The following HMCN1 variants were observed in gnomAD, a reference collection of about 807,000 sequenced individuals.
The protein encoded by HMCN1 is hemicentin 1.
HMCN1 carries 321 observed loss-of-function variants against 625.9 expected under a neutral mutation model. The observed-to-expected ratio is 0.51, with a 90% confidence interval of 0.47 to 0.56. The LOEUF is 0.56. Among genes scored for constraint, HMCN1 ranks in the 20% least tolerant of loss-of-function variants. The pLI is 0.00. For missense variants in HMCN1, 6,588 were observed against 6,887.3 expected, an observed-to-expected ratio of 0.96 and a Z score of 1.54; for synonymous variants, 2,425 against 2,417.6, an observed-to-expected ratio of 1.00 and a Z score of -0.09.
At position 186,088,730 on chromosome 1, in the gene HMCN1, G is replaced by A; in HGVS notation, c.9702G>A (p.Gln3234=). 1 of 1,609,812 alleles carries A rather than the reference G, an allele frequency of 6.2e-7. No homozygotes were observed. The highest frequency in any genetic ancestry group is 8.5e-7 in the Non-Finnish European group (1 of 1,177,378). The part of the protein sequence containing the change: ...CIASNMEGKA[Q]KYYFLSIQVP... ...CTTCAAATATGGAGGGAAAAGCCCA[G>A]AAATATTACTTTCTTTCAATTCAAG... Residue 3234 remains glutamine, a synonymous_variant, in exon 63 of 107, where the codon CAG becomes CAA. Transcript: ENST00000271588.
At chr1:185,876,134 A>T (rs888109154) in intron 4 of HMCN1, among the ~76,000 whole-genome samples, 5 of 152,034 alleles carry the variant, frequency 3.3e-5, no homozygotes, top group Non-Finnish European at 7.4e-5. Context: ...CCTATTGTTT[A>T]GTTCCCACTT....
intron 24 of HMCN1, 26 bp downstream of exon 24, chr1:185,995,113 T>C (rs745411370): frequency 1.9e-5 from 31 of 1,608,182 alleles, no homozygotes; most frequent in Admixed American, 8.3e-5. Flanking sequence ...GGAAAATATA[T>C]GTATGTAGGG....
At chr1:185,764,868 T>C (rs1477070452) in intron 1 of HMCN1, among the ~76,000 whole-genome samples, 3 of 152,348 alleles carry the variant, frequency 2.0e-5, no homozygotes, top group South Asian at 4.1e-4. Context: ...TTTAAACTTA[T>C]AATGATACTT....
At chr1:186,027,408 A>AT (rs764166599) in intron 36 of HMCN1, among the ~76,000 whole-genome samples, 1 of 152,242 alleles carries the variant, frequency 6.6e-6, no homozygotes, top group Non-Finnish European at 1.5e-5. Flanking sequence ...CCAAGCATTC[A>AT]TTTTATCTGC....
intron 1 of HMCN1, among the ~76,000 whole-genome samples, chr1:185,837,188 T>C (rs1242311034): frequency 1.3e-5 from 2 of 152,022 alleles, no homozygotes; most frequent in Non-Finnish European, 2.9e-5. Flanking sequence ...AGACTTGTAA[T>C]ACATGTAACT....
chr1:186,132,805 C>T (rs527855098), intron 86 of HMCN1, among the ~76,000 whole-genome samples: 1 of 152,046 alleles, frequency 6.6e-6, no homozygotes, highest in Non-Finnish European at 1.5e-5. Context: ...CCCCACCCCC[C>T]ACAACAGGCC....
At chr1:186,075,271 G>A (rs568063621) in intron 53 of HMCN1, among the ~76,000 whole-genome samples, 41 of 152,066 alleles carry the variant, frequency 2.7e-4, no homozygotes, top group Admixed American at 5.2e-4. Flanking sequence ...CCACTACTGG[G>A]CATATTATCT....
chr1:186,028,389 G>T (rs1389887946), intron 36 of HMCN1, among the ~76,000 whole-genome samples: 2 of 152,084 alleles, frequency 1.3e-5, no homozygotes, highest in African/African-American at 4.8e-5. Context: ...CAAATTTCAA[G>T]ACTGCATTTC....
Position 186,015,298 on chromosome 1 carries a change from C to A in HMCN1, c.4770C>A (p.Ser1590=), listed in dbSNP as rs1240619289. The A allele has an allele frequency of 6.2e-7, 1 of 1,613,756 alleles. No homozygotes were observed. Among genetic ancestry groups the A allele is most frequent in the Admixed American group, 1.7e-5 (1 of 59,962 alleles). Residue 1590 remains serine, a synonymous_variant, in exon 31 of 107, where the codon TCC becomes TCA. Coordinates refer to ENST00000271588, the MANE Select transcript of HMCN1 (RefSeq NM_031935.3). The stretch of plus-strand genomic sequence containing the variant: ...ATAAGGACGGGCAGCCAATCATGTC[C>A]AGCTCACAAGCACTTTATATTGATA... ...TWYKDGQPIM[S]SSQALYIDKG... is the part of the protein sequence containing the mutation.
intron 1 of HMCN1, among the ~76,000 whole-genome samples, chr1:185,741,448 C>T (rs1160772614): frequency 4.6e-5 from 7 of 152,056 alleles, no homozygotes; most frequent in Non-Finnish European, 5.9e-5. Flanking sequence ...GATTTAAGTT[C>T]AAGGGGAGAT....
At chr1:186,129,848 T>G (rs994051543) in intron 83 of HMCN1, 118 bp from the exon 84 acceptor site, 11 of 1,200,086 alleles carry the variant, frequency 9.2e-6, no homozygotes, top group Non-Finnish European at 9.9e-6. Flanking sequence ...TTCTCCAATG[T>G]CATCTCTTTG....
At chr1:185,840,515 C>T (rs539979420) in intron 1 of HMCN1, among the ~76,000 whole-genome samples, 25 of 152,074 alleles carry the variant, frequency 1.6e-4, no homozygotes, top group Non-Finnish European at 2.8e-4. Flanking sequence ...ATTTGGTGTT[C>T]GCTTCATATC....
intron 4 of HMCN1, among the ~76,000 whole-genome samples, chr1:185,882,049 T>G (rs1182442645): frequency 1.3e-5 from 2 of 152,214 alleles, no homozygotes; most frequent in Admixed American, 1.3e-4. Flanking sequence ...TAAAAAGGAC[T>G]AACATCCAAA....
At chr1:186,183,451 A>T (rs571799496) in intron 105 of HMCN1, among the ~76,000 whole-genome samples, 1 of 152,298 alleles carries the variant, frequency 6.6e-6, no homozygotes, top group African/African-American at 2.4e-5. Context: ...TTGAGTAATA[A>T]CTTTCGCTTT....
intron 11 of HMCN1, among the ~76,000 whole-genome samples, chr1:185,950,562 A>T (rs1289257511): frequency 6.6e-6 from 1 of 151,824 alleles, no homozygotes; most frequent in South Asian, 2.1e-4. Context: ...CACAATTGGC[A>T]GGGAGAGCAC....
chr1:185,773,784 A>G (rs966975448), intron 1 of HMCN1, among the ~76,000 whole-genome samples: 1 of 152,192 alleles, frequency 6.6e-6, no homozygotes, highest in Non-Finnish European at 1.5e-5. Context: ...AACATGTAGC[A>G]TTAGAGCTTA....
chr1:186,029,681 T>A (rs570015083), intron 36 of HMCN1, among the ~76,000 whole-genome samples: 1 of 151,886 alleles, frequency 6.6e-6, no homozygotes, highest in Non-Finnish European at 1.5e-5. Flanking sequence ...GAACCAGCTT[T>A]TGGTTTTGTT....
chr1:186,097,871 GAAT>G (rs1403658458), intron 68 of HMCN1, among the ~76,000 whole-genome samples: 1 of 152,058 alleles, frequency 6.6e-6, no homozygotes, highest in African/African-American at 2.4e-5. Context: ...CAATTGAACA[GAAT>G]AAGGAGCTCA....
rs548364284 is a variant in HMCN1 at position 185,925,587 on chromosome 1, G to A, written c.1430+396G>A. Among the ~76,000 whole-genome samples the A allele has an allele frequency of 2.0e-5, 3 of 152,304 alleles. No individual in the cohort carries two copies. The East Asian group carries it at 5.8e-4, about 29-fold the overall frequency. ...TAGCTTTATTGGCTTCATGGTAAAA[G>A]TGTTTCTGAATCTGATTTAAAGTGT... On this transcript the variant is annotated intron_variant, in intron 9 of 106. Coordinates refer to ENST00000271588, the MANE Select transcript of HMCN1 (RefSeq NM_031935.3).
Sources: gnomAD v4.1 joint callset for allele counts (sites outside exome capture counted in the v4.1 genomes callset) on GRCh38, gnomAD v4.1.1 for gene constraint, MANE v1.5 for transcripts, NCBI Gene and HGNC (gene_info 2026-07-23, HGNC 2026-07-21) for gene names.